Variants in PRSS58 observed in about 807,000 individuals in gnomAD.
The protein encoded by PRSS58 is protease, serine 58.
A neutral mutation model predicts 25.0 loss-of-function variants in PRSS58; 31 were observed. The observed-to-expected ratio is 1.24, with a 90% confidence interval of 0.93 to 1.67. The LOEUF (loss-of-function observed/expected upper bound fraction) is 1.67. PRSS58 is among the 40% of genes most tolerant of loss of function. The pLI is 0.00. For synonymous variants in PRSS58, 119 were observed against 106.1 expected, an observed-to-expected ratio of 1.12 and a Z score of -0.75; for missense variants, 324 against 287.9, an observed-to-expected ratio of 1.13 and a Z score of -0.91.
chr7:142,252,754 C>A, intron 4 of PRSS58, 143 bp from the exon 5 acceptor site: 1 of 815,902 alleles, frequency 1.2e-6, no homozygotes, highest in South Asian at 1.8e-5. Flanking sequence ...GTTAGGACAA[C>A]GAGGGTATAG....
intron 2 of PRSS58, among the ~76,000 whole-genome samples, chr7:142,256,291 CAAAT>C (rs922210628): frequency 1.3e-5 from 2 of 152,090 alleles, no homozygotes; most frequent in Non-Finnish European, 2.9e-5. Flanking sequence ...ACACAACACA[CAAAT>C]AAACTATGTA....
At chr7:142,257,574 A>T (rs1263100845) in intron 2 of PRSS58, 94 bp downstream of exon 2, 1 of 1,129,398 alleles carries the variant, frequency 8.9e-7, no homozygotes, top group Non-Finnish European at 1.3e-6. Flanking sequence ...CTACACTTGA[A>T]TTCTGGAATG....
intron 2 of PRSS58, 125 bp downstream of exon 2, chr7:142,257,543 G>A (rs1798578499): frequency 1.2e-6 from 1 of 838,940 alleles, no homozygotes; most frequent in Admixed American, 1.9e-5. Flanking sequence ...ACGGGGCAGT[G>A]GAGAGGGACA....
intron 2 of PRSS58, 50 bp downstream of exon 2, chr7:142,257,618 T>C (rs759355226): frequency 6.6e-7 from 1 of 1,508,326 alleles, no homozygotes; most frequent in South Asian, 1.1e-5. Flanking sequence ...TTCATGCTTT[T>C]CCCAGGATTT....
chr7:142,255,755 T>C, intron 2 of PRSS58, 82 bp from the exon 3 acceptor site: 1 of 1,285,540 alleles, frequency 7.8e-7, no homozygotes, highest in Non-Finnish European at 1.1e-6. Flanking sequence ...TTTAATAGGC[T>C]CCAAGTTCCC....
At position 142,257,665 on chromosome 7, in the gene PRSS58, C is replaced by G; in HGVS notation, c.40+3G>C. On this transcript the variant is annotated splice_donor_region_variant and intron_variant, in intron 2 of 5. Coordinates refer to ENST00000547058, the MANE Select transcript of PRSS58 (RefSeq NM_001001317.5). Reference sequence around the variant, plus strand: ...GTAAAGAGACAAATATGCACACACTCACCAGTCAGATTCAAGAGAGCCCAG... The same window carrying G: ...GTAAAGAGACAAATATGCACACACTGACCAGTCAGATTCAAGAGAGCCCAG... The G allele has an allele frequency of 6.2e-7, 1 of 1,611,786 alleles. No individual in the cohort carries two copies. The highest frequency in any genetic ancestry group is 8.5e-7 in the Non-Finnish European group (1 of 1,177,988).
chr7:142,255,731 C>T, intron 2 of PRSS58, 58 bp from the exon 3 acceptor site: 1 of 1,508,884 alleles, frequency 6.6e-7, no homozygotes, highest in South Asian at 1.3e-5. Context: ...ACCAGAAAAA[C>T]TTCAGGAAAG....
At position 142,255,657 on chromosome 7, in the gene PRSS58, A is replaced by G. The variant is rs751060882; in HGVS notation, c.57T>C (p.Asn19=). 1.2e-6 allele frequency: 2 copies of G among 1,610,536 alleles called. No individual in the cohort carries two copies. Among genetic ancestry groups the G allele is most frequent in the East Asian group, 4.5e-5 (2 of 44,776 alleles). The change falls in exon 3 of 6, where the codon AAT becomes AAC. Residue 19 remains asparagine (N), a synonymous_variant. Transcript: ENST00000547058. ...LLNLTVALAF[N]PDYTVSSTPP... Reference sequence around the variant, plus strand: ...GAGTGGAGCTGACTGTGTAATCTGGATTAAAGGCCAAAGCAACTGGAAAGA... The same window carrying G: ...GAGTGGAGCTGACTGTGTAATCTGGGTTAAAGGCCAAAGCAACTGGAAAGA...
In PRSS58 at chr7:142,252,352, C is replaced by T. The variant is rs772403916; in HGVS notation, c.595G>A (p.Ala199Thr). ...QPCKEVSAAPAICNGMLQGIL... is the reference protein window; with the variant it reads ...QPCKEVSAAPTICNGMLQGIL... ...CCTTGAAGCATCCCATTGCAGATTGCCGGGGCAGCAGAAACTTCCTGCCAG... is the reference window on the plus strand; with the variant it reads ...CCTTGAAGCATCCCATTGCAGATTGTCGGGGCAGCAGAAACTTCCTGCCAG... Residue 199 changes from alanine to threonine, a missense_variant, in exon 6 of 6, where the codon GCA becomes ACA. Coordinates refer to ENST00000547058, the MANE Select transcript of PRSS58 (RefSeq NM_001001317.5). 1.7e-5 allele frequency: 27 copies of T among 1,613,470 alleles called. No homozygotes were observed. In the South Asian group the frequency reaches 2.9e-4, roughly 17 times the overall value.
chr7:142,254,929 C>T, intron 4 of PRSS58, 126 bp downstream of exon 4: 6 of 919,166 alleles, frequency 6.5e-6, no homozygotes, highest in Non-Finnish European at 8.4e-6. Flanking sequence ...CAGTGAGGTA[C>T]AGAGAAAAGG....
rs1798488948 is a variant in PRSS58, at chr7:142,252,673, A to T, written c.437-62T>A. ...TTTGTTAGGTATTAAAACTTCTTTT[A>T]AAAAACTTTTCTTCTTCTACCATCA... On this transcript the variant is annotated intron_variant, in intron 4 of 5. Transcript: ENST00000547058. The T allele has an allele frequency of 2.0e-6, 3 of 1,528,516 alleles. No homozygotes were observed. In the East Asian group the frequency reaches 6.8e-5, roughly 34 times the overall value. 94.7% of individuals were successfully genotyped at this position (1,528,516 alleles called of 1,614,324 possible).
chr7:142,252,169 A>G lies in PRSS58; in HGVS notation c.*52T>C. ...GAGGAGTTAATTTATATTTAATTCT[A>G]AAGGTGAACGATGGGGACAAGCTGT... On this transcript the variant is annotated 3_prime_UTR_variant, in exon 6 of 6. Transcript: ENST00000547058. The G allele has an allele frequency of 6.5e-7, 1 of 1,538,336 alleles. No individual in the cohort carries two copies. Among genetic ancestry groups the G allele is most frequent in the South Asian group, 1.2e-5 (1 of 80,142 alleles).
Position 142,252,357 on chromosome 7 carries a change from G to C in PRSS58, c.590C>G (p.Ala197Gly). 9 of 1,613,508 alleles carry C rather than the reference G, an allele frequency of 5.6e-6. No homozygotes were observed. Among genetic ancestry groups the C allele is most frequent in the Non-Finnish European group, 7.6e-6 (9 of 1,179,808 alleles). The change falls in exon 6 of 6, where the codon GCC becomes GGC. Residue 197 changes from alanine to glycine, a missense_variant. Coordinates refer to ENST00000547058, the MANE Select transcript of PRSS58 (RefSeq NM_001001317.5). ...AAGCATCCCATTGCAGATTGCCGGGGCAGCAGAAACTTCCTGCCAGGAAAA... is the reference window on the plus strand; with the variant it reads ...AAGCATCCCATTGCAGATTGCCGGGCCAGCAGAAACTTCCTGCCAGGAAAA... The part of the protein sequence containing the change: ...RRQPCKEVSA[A>G]PAICNGMLQG...
intron 4 of PRSS58, among the ~76,000 whole-genome samples, chr7:142,253,436 A>G (rs999860981): frequency 1.3e-5 from 2 of 152,214 alleles, no homozygotes; most frequent in African/African-American, 4.8e-5. Context: ...CTTTGTATCA[A>G]TAGTCCACAA....
intron 2 of PRSS58, among the ~76,000 whole-genome samples, chr7:142,256,165 C>T (rs1447616228): frequency 6.6e-6 from 1 of 152,198 alleles, no homozygotes; most frequent in Admixed American, 6.5e-5. Context: ...ACCAAATATA[C>T]ATTGAGCACC....
intron 4 of PRSS58, among the ~76,000 whole-genome samples, chr7:142,253,933 A>G (rs1798511496): frequency 2.0e-5 from 3 of 152,196 alleles, no homozygotes; most frequent in African/African-American, 4.8e-5. Flanking sequence ...ATATTCAAGA[A>G]AATGTGCTCT....
In PRSS58 at chr7:142,252,208, C is replaced by G. The variant is rs371359169; in HGVS notation, c.*13G>C. Reference sequence around the variant, plus strand: ...GGGACAAGCTGTGTCATATGGTCCACAACTGCCACAGCTCAGTTATTTTGG... The same window carrying G: ...GGGACAAGCTGTGTCATATGGTCCAGAACTGCCACAGCTCAGTTATTTTGG... On this transcript the variant is annotated 3_prime_UTR_variant, in exon 6 of 6. Coordinates refer to ENST00000547058, the MANE Select transcript of PRSS58 (RefSeq NM_001001317.5). 2 of 1,606,182 alleles carry G rather than the reference C, an allele frequency of 1.2e-6. No homozygotes were observed.
At chr7:142,256,838 C>T (rs897796600) in intron 2 of PRSS58, among the ~76,000 whole-genome samples, 1 of 152,080 alleles carries the variant, frequency 6.6e-6, no homozygotes, top group Non-Finnish European at 1.5e-5. Flanking sequence ...GGGGAAGTTG[C>T]TAGTCAAATA....
rs770498111 is a variant in PRSS58, at chr7:142,252,550, G to A, written c.498C>T (p.Arg166=). 19 of 1,614,172 alleles carry A rather than the reference G, an allele frequency of 1.2e-5. No homozygotes were observed. In the Middle Eastern group the frequency reaches 4.9e-4, roughly 42 times the overall value. ...NISVISKPQC[R]DAYKTYNITE... The stretch of plus-strand genomic sequence containing the variant: ...TGATGTTGTAGGTTTTATAGGCATC[G>A]CGACACTGAGGCTTGGAGATTACAG... The change falls in exon 5 of 6, where the codon CGC becomes CGT. Residue 166 remains arginine (R), a synonymous_variant. Coordinates refer to ENST00000547058, the MANE Select transcript of PRSS58 (RefSeq NM_001001317.5).
Sources: allele counts gnomAD v4.1 joint callset (sites outside exome capture counted in the v4.1 genomes callset), GRCh38; gene constraint gnomAD v4.1.1; transcripts MANE v1.5; gene names NCBI Gene and HGNC (gene_info 2026-07-23, HGNC 2026-07-21).